CDH2: variants seen among roughly 807,000 people sequenced by gnomAD.
CDH2 encodes cadherin-2.
CDH2 carries 17 observed loss-of-function variants against 92.0 expected under a neutral mutation model. The observed-to-expected ratio is 0.18, with a 90% CI of 0.13 to 0.28. The LOEUF (loss-of-function observed/expected upper bound fraction) is 0.28, where lower values mean the gene tolerates loss of function less well. Among genes scored for constraint, CDH2 ranks in the 10% least tolerant of loss-of-function variants. The probability of loss-of-function intolerance (pLI) is 1.00; values close to 1 mark genes in which losing one functional copy is unlikely to be tolerated. For missense variants in CDH2, 862 were observed against 1,133.1 expected, an observed-to-expected ratio of 0.76 and a Z score of 3.44; for synonymous variants, 419 against 415.9, an observed-to-expected ratio of 1.01 and a Z score of -0.09.
At position 28,111,365 on chromosome 18, in the gene CDH2, A is replaced by G. The variant is rs141456071; in HGVS notation, c.172+36308T>C. On this transcript the variant is annotated intron_variant, in intron 2 of 15. Transcript: ENST00000269141. The stretch of plus-strand genomic sequence containing the variant: ...ATGAAATTTCATCTGGATTTTCAAT[A>G]TTAGTTAGCATAACTTTGGAACAGA... Among the ~76,000 whole-genome samples the G allele has an allele frequency of 4.0e-3, 613 of 152,358 alleles. 7 individuals carry two copies. The highest frequency in any genetic ancestry group is 0.014 in the African/African-American group (589 of 41,594).
intron 2 of CDH2, among the ~76,000 whole-genome samples, chr18:28,079,767 C>A (rs1268571699): frequency 6.6e-6 from 1 of 152,130 alleles, no homozygotes; most frequent in Non-Finnish European, 1.5e-5. Flanking sequence ...CTATGGTGGA[C>A]ACTTTGTTCT....
chr18:27,967,256 G>A (rs989694939), intron 14 of CDH2, among the ~76,000 whole-genome samples: 9 of 152,096 alleles, frequency 5.9e-5, no homozygotes, highest in African/African-American at 2.2e-4. Flanking sequence ...AGTATCCTCC[G>A]GCCACAGGGT....
At chr18:28,012,380 A>G (rs1274503656) in intron 3 of CDH2, among the ~76,000 whole-genome samples, 1 of 152,220 alleles carries the variant, frequency 6.6e-6, no homozygotes, top group Non-Finnish European at 1.5e-5. Flanking sequence ...TTGATGTGCT[A>G]AAATATAATT....
intron 2 of CDH2, among the ~76,000 whole-genome samples, chr18:28,141,351 G>T (rs996040585): frequency 5.9e-5 from 9 of 151,874 alleles, no homozygotes; most frequent in Admixed American, 2.0e-4. Flanking sequence ...CTACAGGGAA[G>T]GGAAATCAGA....
intron 1 of CDH2, among the ~76,000 whole-genome samples, chr18:28,175,164 G>C (rs1237317304): frequency 6.6e-6 from 1 of 152,168 alleles, no homozygotes; most frequent in Non-Finnish European, 1.5e-5. Context: ...AATAAAGGGC[G>C]GTTTTATAAC....
In CDH2 at chr18:27,980,900, T is replaced by C. The variant is rs1327091870; in HGVS notation, c.2349+2044A>G. On this transcript the variant is annotated intron_variant, in intron 14 of 15. Coordinates refer to ENST00000269141, the MANE Select transcript of CDH2 (RefSeq NM_001792.5). ...GATATTATTTTAACAAATCTTACAA[T>C]AGATGAGTTTTACCACTTAATCTCA... Among the ~76,000 whole-genome samples the C allele has an allele frequency of 2.0e-5, 3 of 151,608 alleles. No homozygotes were observed. The East Asian group carries it at 5.8e-4, about 29-fold the overall frequency.
chr18:27,944,871 C>T (rs115178469), intron 6 of CDH2, among the ~76,000 whole-genome samples: 3,539 of 151,368 alleles, frequency 0.023, 142 homozygotes, highest in African/African-American at 0.082. Flanking sequence ...GAGCTATGAT[C>T]ATGCCACCGC....
intron 2 of CDH2, among the ~76,000 whole-genome samples, chr18:28,141,293 A>T (rs2015949350): frequency 6.6e-6 from 1 of 152,000 alleles, no homozygotes; most frequent in Non-Finnish European, 1.5e-5. Flanking sequence ...AACAAACTCC[A>T]AAATATTATG....
chr18:28,095,212 T>C (rs1162224154), intron 2 of CDH2, among the ~76,000 whole-genome samples: 1 of 152,076 alleles, frequency 6.6e-6, no homozygotes, highest in Non-Finnish European at 1.5e-5. Flanking sequence ...TTCAGACATC[T>C]AATAAATGCT....
At chr18:28,144,716 A>G (rs894548512) in intron 2 of CDH2, among the ~76,000 whole-genome samples, 1 of 152,112 alleles carries the variant, frequency 6.6e-6, no homozygotes, top group Non-Finnish European at 1.5e-5. Flanking sequence ...AAAGGCCTAT[A>G]TAGCCATTTT....
chr18:28,064,494 G>A (rs11873053), intron 2 of CDH2, among the ~76,000 whole-genome samples: 28,760 of 151,648 alleles, frequency 0.19, 3,019 homozygotes, highest in East Asian at 0.35. Context: ...CAAAGCCTAT[G>A]GGGTCATACC....
chr18:27,998,773 C>G (rs1228364434), intron 7 of CDH2, among the ~76,000 whole-genome samples: 1 of 152,054 alleles, frequency 6.6e-6, no homozygotes, highest in Admixed American at 6.5e-5. Context: ...CATGCACCAC[C>G]ACGCCTGGCT....
At chr18:28,008,278 T>C (rs935809608) in intron 5 of CDH2, among the ~76,000 whole-genome samples, 1 of 151,576 alleles carries the variant, frequency 6.6e-6, no homozygotes, top group African/African-American at 2.4e-5. Context: ...TGCTATGTTG[T>C]CTTTGTGAGA....
At position 27,951,281 on chromosome 18, in the gene CDH2, T is replaced by TAA. The variant is rs1351754846; in HGVS notation, c.*870_*871dup. 4 of 152,262 alleles carry TAA rather than the reference T, an allele frequency of 2.6e-5. No homozygotes were observed. Among genetic ancestry groups the TAA allele is most frequent in the Non-Finnish European group, 5.9e-5 (4 of 67,988 alleles). The allele number at this position is 152,262 out of a possible 1,614,324, so 9.4% of individuals were successfully genotyped here. A position where few individuals can be genotyped will look rare whatever the true frequency, so the allele number is the denominator to read the frequency against. On this transcript the variant is annotated 3_prime_UTR_variant, in exon 16 of 16. Transcript: ENST00000269141. ...TAAAAAAATTAAAAATTGAGTATTCTAACTACAGCTCAACAATTGAATCAA... is the reference window on the plus strand; with the variant it reads ...TAAAAAAATTAAAAATTGAGTATTCTAAAACTACAGCTCAACAATTGAATCAA...
chr18:28,026,130 C>G (rs949343149), intron 2 of CDH2, among the ~76,000 whole-genome samples: 14 of 152,060 alleles, frequency 9.2e-5, no homozygotes, highest in African/African-American at 3.1e-4. Flanking sequence ...TTCATGTAGC[C>G]CTGGTCTAGT....
intron 14 of CDH2, among the ~76,000 whole-genome samples, chr18:27,981,443 C>T (rs2012050540): frequency 6.6e-6 from 1 of 152,154 alleles, no homozygotes; most frequent in Non-Finnish European, 1.5e-5. Flanking sequence ...AACAGCTTTA[C>T]ACATGAGTCA....
At chr18:28,034,078 T>C (rs995067168) in intron 2 of CDH2, among the ~76,000 whole-genome samples, 15 of 151,960 alleles carry the variant, frequency 9.9e-5, no homozygotes, top group African/African-American at 3.1e-4. Context: ...TCTGGTTTGG[T>C]GAAAAAAAAT....
chr18:28,106,217 G>C (rs2015318354), intron 2 of CDH2, among the ~76,000 whole-genome samples: 1 of 151,936 alleles, frequency 6.6e-6, no homozygotes, highest in Non-Finnish European at 1.5e-5. Context: ...AGGAGTTCAA[G>C]ACCAGCCTGG....
chr18:28,176,832 CGGCGCGGCGCGGCGT>C, intron 1 of CDH2, 116 bp downstream of exon 1: 2 of 321,134 alleles, frequency 6.2e-6, no homozygotes, highest in Non-Finnish European at 8.9e-6. Context: ...CCGCGCGGCG[CGGCGCGGCGCGGCGT>C]GGCACCTCCC....
Sources: allele counts gnomAD v4.1 joint callset (sites outside exome capture counted in the v4.1 genomes callset), GRCh38; gene constraint gnomAD v4.1.1; transcripts MANE v1.5; gene names NCBI Gene and HGNC (gene_info 2026-07-23, HGNC 2026-07-21).